The following AP1B1 variants were observed in gnomAD, a reference collection of about 807,000 sequenced individuals.
The protein encoded by AP1B1 is AP-1 complex subunit beta-1.
In AP1B1, 36 loss-of-function variants were observed where a neutral mutation model predicts 104.3. That is an observed-to-expected ratio of 0.35 (90% CI 0.26 to 0.46). AP1B1 has a LOEUF of 0.46. AP1B1 is among the 20% of genes least tolerant of loss of function. AP1B1 has a pLI of 1.00. For synonymous variants in AP1B1, 504 were observed against 517.5 expected (o/e 0.97, Z 0.35); for missense variants, 901 against 1,247.9 (o/e 0.72, Z 4.19).
At chr22:29,356,352 C>A in intron 6 of AP1B1, 74 bp downstream of exon 6, 1 of 1,469,338 alleles carries the variant, frequency 6.8e-7, no homozygotes, top group Non-Finnish European at 9.2e-7. Context: ...AGGCCCAAGG[C>A]CCAGTGCCTG....
intron 13 of AP1B1, 132 bp downstream of exon 13, chr22:29,341,369 C>T: frequency 8.7e-7 from 1 of 1,149,840 alleles, no homozygotes; most frequent in East Asian, 2.5e-5. Flanking sequence ...CAATAAATAG[C>T]TGATAAAAGG....
chr22:29,367,108 G>T lies in AP1B1; in HGVS notation c.37+99C>A, dbSNP rs1164092148. ...GGCCATTCCTGCCACATGTTTCCAGGCCTTCATTCCCACCCCTACTCCCTA... is the reference window on the plus strand; with the variant it reads ...GGCCATTCCTGCCACATGTTTCCAGTCCTTCATTCCCACCCCTACTCCCTA... On this transcript the variant is annotated intron_variant, in intron 2 of 22. Transcript: ENST00000357586. The T allele has an allele frequency of 8.5e-6, 8 of 941,800 alleles. No individual in the cohort carries two copies. The East Asian group carries it at 1.7e-4, about 20-fold the overall frequency. The allele number at this position is 941,800 out of a possible 1,614,324, so 58.3% of individuals were successfully genotyped here.
chr22:29,387,809 G>A (rs2062553663), intron 1 of AP1B1, among the ~76,000 whole-genome samples: 1 of 152,214 alleles, frequency 6.6e-6, no homozygotes, highest in South Asian at 2.1e-4. Flanking sequence ...AGGTTGCTGT[G>A]AAGTTTAAAT....
intron 4 of AP1B1, chr22:29,359,622 T>G: frequency 1.8e-6 from 1 of 550,048 alleles, no homozygotes; most frequent in Non-Finnish European, 3.1e-6. Context: ...TCACACAGGA[T>G]GAGTTACGCA....
At position 29,356,796 on chromosome 22, in the gene AP1B1, A is replaced by G. The variant is rs76798358; in HGVS notation, c.526-180T>C. 0.033 allele frequency among the ~76,000 whole-genome samples: 5,075 copies of G among 152,324 alleles called. 270 individuals carry two copies. Among genetic ancestry groups the G allele is most frequent in the African/African-American group, 0.12 (4,862 of 41,568 alleles). ...CACTCACCCTGCTGACTCCTCTGCA[A>G]ACTGGAACAAAACAAGTGTGCCTGC... On this transcript the variant is annotated intron_variant, in intron 5 of 22. Coordinates refer to ENST00000357586, the MANE Select transcript of AP1B1 (RefSeq NM_001127.4).
At chr22:29,334,486 T>C in intron 16 of AP1B1, 76 bp from the exon 17 acceptor site, 1 of 1,491,360 alleles carries the variant, frequency 6.7e-7, no homozygotes, top group Non-Finnish European at 8.9e-7. Context: ...CACCTGAGGG[T>C]GCTTTTTCTC....
Position 29,341,536 on chromosome 22 carries a change from G to A in AP1B1, c.1761C>T (p.Gly587=), listed in dbSNP as rs749067581. 19 of 1,613,870 alleles carry A rather than the reference G, an allele frequency of 1.2e-5. No homozygotes were observed. The highest frequency in any genetic ancestry group is 2.7e-5 in the African/African-American group (2 of 74,924). ...PPSAFVEGGR[G]VVHKSLPPRT... is the part of the protein sequence containing the mutation. ...GAGGTGGCAGGCTCTTGTGCACGAC[G>A]CCCCGGCCCCCCTCCACAAAGGCAC... Residue 587 remains glycine, a synonymous_variant, in exon 13 of 23, where the codon GGC becomes GGT. Transcript: ENST00000357586.
Position 29,358,822 on chromosome 22 carries a change from C to A in AP1B1, c.429G>T (p.Val143=), listed in dbSNP as rs767463869. ...EDPYVRKTAA[V]CVAKLHDINA... is the part of the protein sequence containing the mutation. The stretch of plus-strand genomic sequence containing the variant: ...TGATGTCGTGGAGCTTGGCCACGCA[C>A]ACAGCTGCTGTCTTGCGCACATATG... The change falls in exon 5 of 23, where the codon GTG becomes GTT. Residue 143 remains valine, a synonymous_variant. Transcript: ENST00000357586. 9.9e-6 allele frequency: 16 copies of A among 1,614,124 alleles called. No individual in the cohort carries two copies. The highest frequency in any genetic ancestry group is 1.6e-4 in the Middle Eastern group (1 of 6,084).
chr22:29,379,114 G>A (rs1166524314), intron 1 of AP1B1, among the ~76,000 whole-genome samples: 1 of 152,220 alleles, frequency 6.6e-6, no homozygotes, highest in Non-Finnish European at 1.5e-5. Context: ...AGCACTTTAG[G>A]AGACCGAGGT....
intron 1 of AP1B1, among the ~76,000 whole-genome samples, chr22:29,379,444 T>C (rs1384418338): frequency 6.6e-6 from 1 of 152,218 alleles, no homozygotes; most frequent in Non-Finnish European, 1.5e-5. Flanking sequence ...AACAACGCTC[T>C]TTGTGATCTC....
intron 16 of AP1B1, among the ~76,000 whole-genome samples, chr22:29,335,823 C>T (rs898640212): frequency 3.9e-5 from 6 of 152,308 alleles, no homozygotes; most frequent in Admixed American, 6.5e-5. Flanking sequence ...ACCCTGAGCA[C>T]GCCCCCGGAC....
At chr22:29,382,017 GAAAC>G (rs993442854) in intron 1 of AP1B1, among the ~76,000 whole-genome samples, 2 of 150,452 alleles carry the variant, frequency 1.3e-5, no homozygotes, top group African/African-American at 4.9e-5. Context: ...CTTAAAAAAA[GAAAC>G]AAAAAAAAAA....
intron 1 of AP1B1, among the ~76,000 whole-genome samples, chr22:29,382,516 G>A (rs1407470314): frequency 6.6e-6 from 1 of 152,068 alleles, no homozygotes; most frequent in Non-Finnish European, 1.5e-5. Context: ...TGTCCTAATG[G>A]GGGAAAGAGA....
intron 1 of AP1B1, among the ~76,000 whole-genome samples, chr22:29,385,588 G>C (rs1176031710): frequency 6.6e-6 from 1 of 152,156 alleles, no homozygotes; most frequent in Non-Finnish European, 1.5e-5. Context: ...TTTTCAAGCA[G>C]AATTTTCTTT....
Position 29,330,432 on chromosome 22 carries a change from G to A in AP1B1, c.2712C>T (p.Asn904=), listed in dbSNP as rs1166187866. The A allele has an allele frequency of 6.8e-6, 11 of 1,613,764 alleles. No homozygotes were observed. The highest frequency in any genetic ancestry group is 2.2e-5 in the East Asian group (1 of 44,892). The part of the protein sequence containing the change: ...DMLYQSLKLT[N]GIWVLAELRI... ...GCAGCTCCGCCAGCACCCAGATGCC[G>A]TTGGTCAGCTTCAGGGACTGGTAGA... The change falls in exon 21 of 23, where the codon AAC becomes AAT. Residue 904 remains asparagine (N), a synonymous_variant. Coordinates refer to ENST00000357586, the MANE Select transcript of AP1B1 (RefSeq NM_001127.4).
chr22:29,360,540 C>T lies in AP1B1; in HGVS notation c.144-581G>A, dbSNP rs542282249. On this transcript the variant is annotated intron_variant, in intron 3 of 22. Transcript: ENST00000357586. ...TGCTTTCTCCACAAGCTCTGGCACCCGGTAAGAACCAGCACAGCATGCATG... is the reference window on the plus strand; with the variant it reads ...TGCTTTCTCCACAAGCTCTGGCACCTGGTAAGAACCAGCACAGCATGCATG... 2.1e-4 allele frequency among the ~76,000 whole-genome samples: 32 copies of T among 152,302 alleles called. No individual in the cohort carries two copies. The South Asian group carries it at 6.2e-3, about 30-fold the overall frequency.
intron 1 of AP1B1, among the ~76,000 whole-genome samples, chr22:29,378,552 CAAAAAAAAAA>C (rs145933767): frequency 2.1e-5 from 1 of 48,484 alleles, no homozygotes; most frequent in African/African-American, 8.2e-5. Flanking sequence ...AACTCCGTAT[CAAAAAAAAAA>C]AAAAAAAAAA....
rs760201939 is a variant in AP1B1, at chr22:29,351,733, C to A, written c.1031G>T (p.Arg344Leu). ...GGCGATGTTGGCCTGAGAGGCCAGGCGGATCATGATGTCCAGCTTCTCCAG... is the reference window on the plus strand; with the variant it reads ...GGCGATGTTGGCCTGAGAGGCCAGGAGGATCATGATGTCCAGCTTCTCCAG... ...VKLEKLDIMI[R>L]LASQANIAQV... Residue 344 changes from arginine to leucine, a missense_variant, in exon 8 of 23, where the codon CGC (arginine) becomes CTC (leucine). Around this residue, in one of 3 missense-constraint regions of AP1B1, gnomAD observed 471 missense variants for 696.7 expected, o/e 0.68. Coordinates refer to ENST00000357586, the MANE Select transcript of AP1B1 (RefSeq NM_001127.4). 6.2e-6 allele frequency: 10 copies of A among 1,614,060 alleles called. No individual in the cohort carries two copies. The highest frequency in any genetic ancestry group is 7.6e-6 in the Non-Finnish European group (9 of 1,180,004).
intron 1 of AP1B1, among the ~76,000 whole-genome samples, chr22:29,372,661 T>G (rs931923439): frequency 1.1e-4 from 16 of 152,110 alleles, no homozygotes; most frequent in African/African-American, 3.9e-4. Flanking sequence ...ACTTTGGTTT[T>G]TAGCTGCTGA....
Sources: gnomAD v4.1 joint callset for allele counts (sites outside exome capture counted in the v4.1 genomes callset) on GRCh38, gnomAD v4.1.1 for gene constraint, gnomAD v4.1.1 regional missense constraint, MANE v1.5 for transcripts, NCBI Gene and HGNC (gene_info 2026-07-23, HGNC 2026-07-21) for gene names.